Variants in GALNT17 observed in about 807,000 individuals in gnomAD.
GALNT17 encodes UDP-GalNAc:polypeptide N-acetylgalactosaminyltransferase-like 3.
GALNT17 carries 29 observed loss-of-function variants against 63.7 expected under a neutral mutation model. That is an observed-to-expected ratio of 0.46 (90% confidence interval 0.34 to 0.62). GALNT17 has a LOEUF of 0.62. GALNT17 is among the 20% of genes least tolerant of loss of function. The pLI is 0.01. For missense variants in GALNT17, 603 were observed against 799.6 expected (o/e 0.75, Z 2.97); for synonymous variants, 305 against 318.3 (o/e 0.96, Z 0.45).
At chr7:71,348,229 C>G (rs754386602) in intron 2 of GALNT17, among the ~76,000 whole-genome samples, 26 of 151,486 alleles carry the variant, frequency 1.7e-4, no homozygotes, top group Non-Finnish European at 2.8e-4. Flanking sequence ...CCATTGCACT[C>G]CAGCCTGGAC....
chr7:71,479,655 C>G (rs1431711086), intron 5 of GALNT17, among the ~76,000 whole-genome samples: 2 of 152,070 alleles, frequency 1.3e-5, no homozygotes, highest in Non-Finnish European at 2.9e-5. Context: ...TAGAAATGCC[C>G]AGAGATTGTA....
In GALNT17 at chr7:71,710,842, G is replaced by A. The variant is rs1338840004; in HGVS notation, c.1582G>A (p.Val528Met). The change falls in exon 10 of 11, where the codon GTG becomes ATG. Residue 528 changes from valine (V) to methionine (M), a missense_variant. This residue lies in a region of GALNT17 where 336 missense variants were observed against 507.8 expected (regional missense o/e 0.66). Coordinates refer to ENST00000333538, the MANE Select transcript of GALNT17 (RefSeq NM_022479.3). The stretch of plus-strand genomic sequence containing the variant: ...ACTCCTCCCTGACACCCGCTGCCTG[G>A]TGGACAACTCCAAGAGTCGGCTGCC... ...TTLLPDTRCL[V>M]DNSKSRLPQL... 6.2e-7 allele frequency: 1 copy of A among 1,613,738 alleles called. No homozygotes were observed. Among genetic ancestry groups the A allele is most frequent in the African/African-American group, 1.3e-5 (1 of 74,926 alleles).
chr7:71,268,978 C>A (rs1219174999), intron 1 of GALNT17, among the ~76,000 whole-genome samples: 1 of 152,172 alleles, frequency 6.6e-6, no homozygotes, highest in Non-Finnish European at 1.5e-5. Flanking sequence ...GGGGATCTGG[C>A]ACTGAGGCTG....
chr7:71,453,074 C>A (rs2116556156), intron 5 of GALNT17, among the ~76,000 whole-genome samples: 1 of 152,252 alleles, frequency 6.6e-6, no homozygotes, highest in Middle Eastern at 3.4e-3. Flanking sequence ...AAGAGACATG[C>A]CAACATTGTT....
At chr7:71,184,181 A>G (rs568620040) in intron 1 of GALNT17, among the ~76,000 whole-genome samples, 2 of 152,344 alleles carry the variant, frequency 1.3e-5, no homozygotes, top group East Asian at 3.9e-4. Flanking sequence ...ACTGACCTCA[A>G]AAGAAATCAA....
chr7:71,644,488 C>A (rs2117012102), intron 6 of GALNT17, among the ~76,000 whole-genome samples: 1 of 128,862 alleles, frequency 7.8e-6, no homozygotes, highest in African/African-American at 3.1e-5. Context: ...AAGATCTCAC[C>A]ACTGCACTCC....
chr7:71,670,658 G>A (rs978378841), intron 8 of GALNT17, among the ~76,000 whole-genome samples: 1 of 152,184 alleles, frequency 6.6e-6, no homozygotes, highest in Admixed American at 6.5e-5. Flanking sequence ...TGCTTTTGAA[G>A]TACTGGGCAC....
intron 6 of GALNT17, among the ~76,000 whole-genome samples, chr7:71,655,262 A>C (rs1388210748): frequency 6.6e-6 from 1 of 152,168 alleles, no homozygotes; most frequent in African/African-American, 2.4e-5. Context: ...CTCTCAAAAA[A>C]AGAATCAAAG....
At chr7:71,628,421 C>T (rs1212777213) in intron 6 of GALNT17, among the ~76,000 whole-genome samples, 1 of 152,074 alleles carries the variant, frequency 6.6e-6, no homozygotes, top group Non-Finnish European at 1.5e-5. Flanking sequence ...CTCCTGGGCT[C>T]AAGCAATTAT....
intron 1 of GALNT17, among the ~76,000 whole-genome samples, chr7:71,212,110 C>T (rs1017331802): frequency 6.6e-6 from 1 of 152,200 alleles, no homozygotes; most frequent in Non-Finnish European, 1.5e-5. Flanking sequence ...ATCACAGGCC[C>T]AGAAGCCCAG....
At chr7:71,492,210 C>T (rs532689672) in intron 5 of GALNT17, among the ~76,000 whole-genome samples, 197 of 152,186 alleles carry the variant, frequency 1.3e-3, no homozygotes, top group African/African-American at 4.6e-3. Flanking sequence ...ACCAGGGAGT[C>T]GGAGGTTGCA....
chr7:71,460,791 T>C (rs191368602), intron 5 of GALNT17, among the ~76,000 whole-genome samples: 1 of 152,234 alleles, frequency 6.6e-6, no homozygotes, highest in African/African-American at 2.4e-5. Context: ...TAGAGTAACT[T>C]CTTGATGTTG....
chr7:71,480,412 G>C (rs1787798528), intron 5 of GALNT17, among the ~76,000 whole-genome samples: 1 of 152,004 alleles, frequency 6.6e-6, no homozygotes, highest in Non-Finnish European at 1.5e-5. Flanking sequence ...TTGTCCACCA[G>C]CTTCATGCTT....
intron 2 of GALNT17, among the ~76,000 whole-genome samples, chr7:71,372,990 A>G (rs1426456449): frequency 1.3e-5 from 2 of 152,210 alleles, no homozygotes; most frequent in Non-Finnish European, 1.5e-5. Context: ...AGCTTTTAGT[A>G]TCAACACAGT....
chr7:71,352,665 G>A lies in GALNT17; in HGVS notation c.422+16932G>A, dbSNP rs367707541. Among the ~76,000 whole-genome samples, 117 of 152,258 alleles carry A rather than the reference G, an allele frequency of 7.7e-4. 2 individuals are homozygous for A. The South Asian group carries it at 0.02, about 26-fold the overall frequency. On this transcript the variant is annotated intron_variant, in intron 2 of 10. Coordinates refer to ENST00000333538, the MANE Select transcript of GALNT17 (RefSeq NM_022479.3). ...GACCTTTGAAGGCATCAACATAGAC[G>A]TGACCATCAAAGCTGAGATCACTAA...
At chr7:71,580,136 C>T in intron 6 of GALNT17, among the ~76,000 whole-genome samples, 1 of 151,232 alleles carries the variant, frequency 6.6e-6, no homozygotes, top group East Asian at 1.9e-4. Flanking sequence ...ATAGAGATAA[C>T]AGATAGATGG....
chr7:71,292,473 T>G (rs915258389), intron 1 of GALNT17, among the ~76,000 whole-genome samples: 11 of 152,220 alleles, frequency 7.2e-5, no homozygotes, highest in African/African-American at 2.7e-4. Context: ...TGCTGTAGTC[T>G]GAATGTGAAC....
intron 6 of GALNT17, among the ~76,000 whole-genome samples, chr7:71,596,920 G>T (rs1161438499): frequency 6.6e-6 from 1 of 152,014 alleles, no homozygotes; most frequent in African/African-American, 2.4e-5. Context: ...AGGCACAGTG[G>T]TTCACACCTC....
intron 6 of GALNT17, among the ~76,000 whole-genome samples, chr7:71,631,697 C>T (rs898098039): frequency 1.7e-4 from 26 of 151,996 alleles, no homozygotes; most frequent in Admixed American, 1.6e-3. Context: ...GGAGGATGAA[C>T]CATTTGCCGT....
Sources: allele counts gnomAD v4.1 joint callset (sites outside exome capture counted in the v4.1 genomes callset), GRCh38; gene constraint gnomAD v4.1.1; regional missense constraint gnomAD v4.1.1; transcripts MANE v1.5; gene names NCBI Gene and HGNC (gene_info 2026-07-23, HGNC 2026-07-21).